The following EPS8L2 variants were observed in gnomAD, a reference collection of about 807,000 sequenced individuals.
EPS8L2 encodes epidermal growth factor receptor kinase substrate 8-like protein 2.
EPS8L2 carries 81 observed loss-of-function variants against 99.4 expected under a neutral mutation model. The observed-to-expected ratio is 0.82, with a 90% confidence interval of 0.68 to 0.98. The LOEUF (loss-of-function observed/expected upper bound fraction) is 0.98. Ranked by LOEUF, EPS8L2 falls within the 50% of genes least tolerant of loss-of-function variation. The pLI is 0.00. For synonymous variants in EPS8L2, 509 were observed against 407.3 expected (o/e 1.25, Z -3.01); for missense variants, 1,155 against 968.8 (o/e 1.19, Z -2.55).
chr11:722,200 G>C (rs1321813428), intron 12 of EPS8L2, 35 bp downstream of exon 12: 1 of 1,604,004 alleles, frequency 6.2e-7, no homozygotes, highest in South Asian at 1.1e-5. Context: ...CGCGCAGGGT[G>C]GGGGCCCAGA....
chr11:721,253 G>A (rs751723704), intron 8 of EPS8L2, 32 bp from the exon 9 acceptor site: 2 of 1,537,432 alleles, frequency 1.3e-6, no homozygotes, highest in African/African-American at 1.4e-5. Flanking sequence ...GTTGTGGGGG[G>A]CTCGGTGAGC....
chr11:726,968 GGGA>G lies in EPS8L2; in HGVS notation c.2139_2141del (p.Glu713del). ...TTTCATTCCATGAATCAGAGGAGGG[GGGA>G]GGACAGCTAGGCCCAGCTGCCTTGG... is the stretch of plus-strand genomic sequence containing the variant. On this transcript the variant is annotated inframe_deletion, in exon 21 of 21. Coordinates refer to ENST00000318562, the MANE Select transcript of EPS8L2 (RefSeq NM_022772.4). 6.2e-7 allele frequency: 1 copy of G among 1,613,074 alleles called. No homozygotes were observed. Among genetic ancestry groups the G allele is most frequent in the Middle Eastern group, 1.7e-4 (1 of 6,056 alleles).
rs139680087 is a variant in EPS8L2, at chr11:724,297, G to T, written c.1455-427G>T. ...GGAGCTTGAGACCCGTCCTCCACTGGACCATTTGGGCTGTGTTCAGTCCTC... is the reference window on the plus strand; with the variant it reads ...GGAGCTTGAGACCCGTCCTCCACTGTACCATTTGGGCTGTGTTCAGTCCTC... On this transcript the variant is annotated intron_variant, in intron 15 of 20. Transcript: ENST00000318562. The surrounding 1 kb of genome is among the most constrained non-coding windows in gnomAD (Gnocchi z 5.5). 7.9e-5 allele frequency among the ~76,000 whole-genome samples: 12 copies of T among 152,272 alleles called. No homozygotes were observed. Among genetic ancestry groups the T allele is most frequent in the Non-Finnish European group, 7.4e-5 (5 of 67,994 alleles).
At position 724,839 on chromosome 11, in the gene EPS8L2, T is replaced by G. The variant is rs1335906103; in HGVS notation, c.1560+10T>G. ...GGATGAGGTCCTAGAGGTGAGGGGC[T>G]GGAGGACGGGGTCCAAGAGGGGGAA... is the stretch of plus-strand genomic sequence containing the variant. On this transcript the variant is annotated intron_variant, in intron 16 of 20. Coordinates refer to ENST00000318562, the MANE Select transcript of EPS8L2 (RefSeq NM_022772.4). This position sits in a 1 kb window ranked among gnomAD's most constrained non-coding sequence, Gnocchi z 5.5. 1.9e-6 allele frequency: 3 copies of G among 1,598,824 alleles called. No individual in the cohort carries two copies. Among genetic ancestry groups the G allele is most frequent in the Non-Finnish European group, 2.6e-6 (3 of 1,167,256 alleles).
At chr11:710,557 C>G (rs1354628318) in intron 4 of EPS8L2, 71 bp downstream of exon 4, 6 of 1,375,912 alleles carry the variant, frequency 4.4e-6, no homozygotes, top group Non-Finnish European at 6.2e-6. Context: ...CTCAGGTTCT[C>G]GTCTCCACAA....
rs759733773 is a variant in EPS8L2 at position 723,272 on chromosome 11, A to T, written c.1373A>T (p.Asn458Ile). 4 of 1,601,558 alleles carry T rather than the reference A, an allele frequency of 2.5e-6. No individual in the cohort carries two copies. In the South Asian group the frequency reaches 4.5e-5, roughly 18 times the overall value. The part of the protein sequence containing the change: ...VSPVSRQSIR[N>I]SQKHSPTSEP... ...CCAGTGAGCCGACAGTCCATAAGAA[A>T]CTCCCAGAAGCACAGCCCCACTTCA... The change falls in exon 15 of 21, where the codon AAC becomes ATC. Residue 458 changes from asparagine (N) to isoleucine (I), a missense_variant. Coordinates refer to ENST00000318562, the MANE Select transcript of EPS8L2 (RefSeq NM_022772.4).
At chr11:723,423 T>G in intron 15 of EPS8L2, 70 bp downstream of exon 15, 1 of 651,530 alleles carries the variant, frequency 1.5e-6, no homozygotes, top group Non-Finnish European at 2.5e-6. Context: ...TAAAAACATA[T>G]GGGTACGCTG....
Position 726,433 on chromosome 11 carries a change from C to A in EPS8L2, c.1883C>A (p.Ser628Ter). The A allele has an allele frequency of 6.3e-7, 1 of 1,595,468 alleles. No individual in the cohort carries two copies. The highest frequency in any genetic ancestry group is 8.5e-7 in the Non-Finnish European group (1 of 1,172,482). Residue 628 changes from serine (S) to a stop codon, truncating the protein, a stop_gained, in exon 19 of 21, where the codon TCG becomes TAG. Coordinates refer to ENST00000318562, the MANE Select transcript of EPS8L2 (RefSeq NM_022772.4). LOFTEE classifies it high-confidence loss of function. ...GTGAGCCAGCCGCTCACCTACGAGT[C>A]GGGTCCGGACGAGGTCCGCGCCTGG... Reference protein sequence around the residue: ...QPVSQPLTYESGPDEVRAWLE... With the variant: ...QPVSQPLTYE
At chr11:710,207 C>A in intron 3 of EPS8L2, 1 of 561,462 alleles carries the variant, frequency 1.8e-6, no homozygotes, top group Non-Finnish European at 3.2e-6. Context: ...TCGCCTTCTC[C>A]GAGCTGCGTC....
At chr11:723,404 TAC>T (rs1478880818) in intron 15 of EPS8L2, 51 bp downstream of exon 15, 2 of 806,846 alleles carry the variant, frequency 2.5e-6, no homozygotes, top group South Asian at 2.0e-5. Flanking sequence ...CTTCAGAACC[TAC>T]AGTCTCTAAA....
At chr11:723,220 G>C (rs367990361) in intron 14 of EPS8L2, 21 bp from the exon 15 acceptor site, 3 of 1,466,994 alleles carry the variant, frequency 2.0e-6, no homozygotes, top group African/African-American at 1.4e-5. Context: ...GTCTAACTCA[G>C]GTCGCCCACC....
chr11:724,858 G>C lies in EPS8L2; in HGVS notation c.1560+29G>C. 2.6e-6 allele frequency: 4 copies of C among 1,530,872 alleles called. No homozygotes were observed. The highest frequency in any genetic ancestry group is 1.7e-5 in the Admixed American group (1 of 59,646). 94.8% of individuals were successfully genotyped at this position (1,530,872 alleles called of 1,614,324 possible). The stretch of plus-strand genomic sequence containing the variant: ...AGGGGCTGGAGGACGGGGTCCAAGA[G>C]GGGGAAACAGGGCAGGGCTTCAAGG... On this transcript the variant is annotated intron_variant, in intron 16 of 20. Coordinates refer to ENST00000318562, the MANE Select transcript of EPS8L2 (RefSeq NM_022772.4). The surrounding 1 kb of genome is among the most constrained non-coding windows in gnomAD (Gnocchi z 5.5).
rs991262910 is a variant in EPS8L2, at chr11:724,631, G to A, written c.1455-93G>A. 3.8e-5 allele frequency: 32 copies of A among 837,034 alleles called. No homozygotes were observed. Among genetic ancestry groups the A allele is most frequent in the Middle Eastern group, 2.3e-4 (1 of 4,338 alleles). The allele number at this position is 837,034 out of a possible 1,614,324, so 51.9% of individuals were successfully genotyped here. On this transcript the variant is annotated intron_variant, in intron 15 of 20. Coordinates refer to ENST00000318562, the MANE Select transcript of EPS8L2 (RefSeq NM_022772.4). The surrounding 1 kb of genome is among the most constrained non-coding windows in gnomAD (Gnocchi z 5.5). ...CAGAACAGAAAAGAGGCAGCCAGTCGTGCACCTGGGAAGCTGCTGCCCCCC... is the reference window on the plus strand; with the variant it reads ...CAGAACAGAAAAGAGGCAGCCAGTCATGCACCTGGGAAGCTGCTGCCCCCC...
At chr11:716,618 C>G (rs1004982739) in intron 4 of EPS8L2, among the ~76,000 whole-genome samples, 5 of 152,202 alleles carry the variant, frequency 3.3e-5, no homozygotes, top group Non-Finnish European at 5.9e-5. Flanking sequence ...CTACATTCTC[C>G]TTGCAGCACT....
intron 4 of EPS8L2, among the ~76,000 whole-genome samples, chr11:711,129 C>T (rs11246282): frequency 4.6e-5 from 7 of 152,292 alleles, no homozygotes; most frequent in African/African-American, 1.7e-4. Flanking sequence ...AGGGCTCAGA[C>T]GGGGCTGCCT....
At chr11:710,167 C>T in intron 3 of EPS8L2, 3 of 490,052 alleles carry the variant, frequency 6.1e-6, no homozygotes, top group Non-Finnish European at 3.7e-6. Flanking sequence ...GCACAGGCTG[C>T]TGGTCCCCAC....
intron 11 of EPS8L2, 38 bp from the exon 12 acceptor site, chr11:722,053 C>T (rs1454153525): frequency 2.5e-6 from 4 of 1,609,394 alleles, no homozygotes; most frequent in Non-Finnish European, 3.4e-6. Context: ...GGAGGCCCCG[C>T]CCCGCCCCGG....
chr11:710,662 G>T (rs1320295408), intron 4 of EPS8L2, among the ~76,000 whole-genome samples, 176 bp downstream of exon 4: 1 of 152,254 alleles, frequency 6.6e-6, no homozygotes, highest in African/African-American at 2.4e-5. Flanking sequence ...CCGGGAGGCG[G>T]AGGCTGTAGT....
At position 726,333 on chromosome 11, in the gene EPS8L2, G is replaced by A. The variant is rs541174333; in HGVS notation, c.1783G>A (p.Asp595Asn). The change falls in exon 19 of 21, where the codon GAC becomes AAC. Residue 595 changes from aspartate (D) to asparagine (N), a missense_variant. Asp to Asn is a conservative substitution (Grantham distance 23). Coordinates refer to ENST00000318562, the MANE Select transcript of EPS8L2 (RefSeq NM_022772.4). ...ELMQHMDEVN[D>N]ELIRKISNIR... Reference sequence around the variant, plus strand: ...CATGCAGCACATGGACGAGGTCAACGACGAGCTCATCCGGAAAATCAGCAA... The same window carrying A: ...CATGCAGCACATGGACGAGGTCAACAACGAGCTCATCCGGAAAATCAGCAA... The A allele has an allele frequency of 1.9e-6, 3 of 1,610,610 alleles. No individual in the cohort carries two copies. Among genetic ancestry groups the A allele is most frequent in the South Asian group, 1.1e-5 (1 of 90,750 alleles).
Sources: allele counts gnomAD v4.1 joint callset (sites outside exome capture counted in the v4.1 genomes callset), GRCh38; gene constraint gnomAD v4.1.1; non-coding constraint Gnocchi (gnomAD v3.1); transcripts MANE v1.5; gene names NCBI Gene and HGNC (gene_info 2026-07-23, HGNC 2026-07-21).